Variants in MYOM3 observed in about 807,000 individuals in gnomAD.
MYOM3 encodes myomesin 3.
Under a neutral mutation model 191.7 loss-of-function variants are expected in MYOM3, and 155 were observed. The observed-to-expected ratio is 0.81, with a 90% CI of 0.71 to 0.92. The LOEUF is 0.92. Ranked by LOEUF, MYOM3 falls within the 40% of genes least tolerant of loss-of-function variation. The probability of loss-of-function intolerance (pLI) is 0.00; values close to 1 mark genes in which losing one functional copy is unlikely to be tolerated. For synonymous variants in MYOM3, 757 were observed against 762.9 expected, an observed-to-expected ratio of 0.99 and a Z score of 0.13; for missense variants, 1,889 against 1,890.6, an observed-to-expected ratio of 1.00 and a Z score of 0.02.
rs746278851 is a variant in MYOM3, at chr1:24,090,068, C to A, written c.1483G>T (p.Glu495Ter). 14 of 1,613,962 alleles carry A rather than the reference C, an allele frequency of 8.7e-6. No homozygotes were observed. In the East Asian group the frequency reaches 3.1e-4, roughly 36 times the overall value. Reference protein sequence around the residue: ...NKITISTDAFEDTVTIPSPPT... With the variant: ...NKITISTDAF ...TGTGTGGGAGGATCCCGCGTACCTT[C>A]AAAAGCGTCTGTGCTGATGGTGATC... Residue 495 changes from glutamate (E) to a stop codon, truncating the protein, a stop_gained, in exon 13 of 37, where the codon GAA becomes TAA. Coordinates refer to ENST00000374434, the MANE Select transcript of MYOM3 (RefSeq NM_152372.4). LOFTEE classifies it high-confidence loss of function.
chr1:24,061,024 C>A, intron 35 of MYOM3, 36 bp downstream of exon 35: 1 of 1,613,764 alleles, frequency 6.2e-7, no homozygotes, highest in South Asian at 1.1e-5. Flanking sequence ...GCCCCAAATT[C>A]AGAAACAAAA....
chr1:24,110,191 G>C (rs1193193235), intron 1 of MYOM3, among the ~76,000 whole-genome samples: 2 of 152,210 alleles, frequency 1.3e-5, no homozygotes, highest in Non-Finnish European at 2.9e-5. Flanking sequence ...CTGGTCTGCA[G>C]GCTTCTGGCA....
At chr1:24,088,933 T>C (rs933529700) in intron 14 of MYOM3, among the ~76,000 whole-genome samples, 1 of 152,094 alleles carries the variant, frequency 6.6e-6, no homozygotes, top group Non-Finnish European at 1.5e-5. Context: ...GGACACTCAC[T>C]CAGGATCACA....
At chr1:24,066,736 G>C (rs576866298) in intron 28 of MYOM3, 1 of 449,914 alleles carries the variant, frequency 2.2e-6, no homozygotes, top group Non-Finnish European at 3.9e-6. Context: ...ATAAACCCTC[G>C]TGGGCTCCTA....
intron 26 of MYOM3, 94 bp from the exon 27 acceptor site, chr1:24,068,123 C>A (rs1643476026): frequency 6.4e-7 from 1 of 1,568,544 alleles, no homozygotes; most frequent in Non-Finnish European, 8.8e-7. Context: ...GGGCTGTGCT[C>A]AGCAGGCTGC....
chr1:24,093,371 T>C (rs1182120269), intron 9 of MYOM3, among the ~76,000 whole-genome samples: 2 of 151,828 alleles, frequency 1.3e-5, no homozygotes, highest in East Asian at 3.9e-4. Context: ...TTTAGGGACA[T>C]AGCCAGTGAC....
rs1395407989 is a variant in MYOM3 at position 24,112,012 on chromosome 1, A to G, written c.-19+19T>C. 6.6e-6 allele frequency: 1 copy of G among 152,060 alleles called. No individual in the cohort carries two copies. The highest frequency in any genetic ancestry group is 1.5e-5 in the Non-Finnish European group (1 of 68,030). 9.4% of individuals were successfully genotyped at this position (152,060 alleles called of 1,614,324 possible). ...TAGGAGGCATCCCTCCCCCACCCTGATTTCTGGGGGTGACTCACAGAAGCA... is the reference window on the plus strand; with the variant it reads ...TAGGAGGCATCCCTCCCCCACCCTGGTTTCTGGGGGTGACTCACAGAAGCA... On this transcript the variant is annotated intron_variant, in intron 1 of 36. Transcript: ENST00000374434.
At chr1:24,085,268 GGATGGATGGATA>G (rs1198684726) in intron 15 of MYOM3, among the ~76,000 whole-genome samples, 3 of 139,554 alleles carry the variant, frequency 2.1e-5, no homozygotes, top group Admixed American at 7.4e-5. Flanking sequence ...ATGGATGCAT[GGATGGATGGATA>G]GATGGATGGA....
In MYOM3 at chr1:24,063,456, G is replaced by A. The variant is rs1643396843; in HGVS notation, c.3661+36C>T. ...TGCTTGGAGGCTGTTGGGCATCAGG[G>A]CAGGGCAGGGCTGGGCAAAGAGGCA... is the stretch of plus-strand genomic sequence containing the variant. On this transcript the variant is annotated intron_variant, in intron 31 of 36. Transcript: ENST00000374434. This position sits in a 1 kb window ranked among gnomAD's most constrained non-coding sequence, Gnocchi z 4.5. 5 of 1,612,884 alleles carry A rather than the reference G, an allele frequency of 3.1e-6. No individual in the cohort carries two copies. Among genetic ancestry groups the A allele is most frequent in the Non-Finnish European group, 4.2e-6 (5 of 1,178,942 alleles).
chr1:24,102,526 C>T (rs1349075866), intron 5 of MYOM3, among the ~76,000 whole-genome samples: 1 of 152,032 alleles, frequency 6.6e-6, no homozygotes. Context: ...GAGACTCCAT[C>T]TTAAAAAGAA....
At chr1:24,075,057 G>A (rs1570863310) in intron 22 of MYOM3, among the ~76,000 whole-genome samples, 1 of 150,190 alleles carries the variant, frequency 6.7e-6, no homozygotes, top group South Asian at 2.1e-4. Context: ...CGGGGCAATA[G>A]AGCAAGACCC....
chr1:24,105,075 C>T (rs1643970799), intron 5 of MYOM3, among the ~76,000 whole-genome samples: 1 of 152,132 alleles, frequency 6.6e-6, no homozygotes, highest in South Asian at 2.1e-4. Flanking sequence ...GAGACCCCTG[C>T]CCCTGCCCCT....
rs545471092 is a variant in MYOM3 at position 24,057,555 on chromosome 1, C to T, written c.4123G>A (p.Val1375Ile). Residue 1375 changes from valine to isoleucine, a missense_variant, in exon 37 of 37, where the codon GTC becomes ATC. By Grantham distance (29) the Val-to-Ile change is conservative. Coordinates refer to ENST00000374434, the MANE Select transcript of MYOM3 (RefSeq NM_152372.4). ...ATGCGGTATCGGTCAAGGAAGGTGA[C>T]AGGCTGGTCATTCTTCAGCCAAGAG... ...EISWLKNDQP[V>I]TFLDRYRMEV... 1.5e-5 allele frequency: 25 copies of T among 1,614,132 alleles called. No individual in the cohort carries two copies. In the East Asian group the frequency reaches 5.3e-4, roughly 35 times the overall value.
intron 17 of MYOM3, 184 bp from the exon 18 acceptor site, chr1:24,082,372 G>C: frequency 1.2e-6 from 1 of 851,892 alleles, no homozygotes; most frequent in East Asian, 2.8e-5. Flanking sequence ...GGGTCTGAGG[G>C]CTTCCCCACC....
At chr1:24,080,506 T>C (rs1245011917) in intron 19 of MYOM3, among the ~76,000 whole-genome samples, 1 of 152,204 alleles carries the variant, frequency 6.6e-6, no homozygotes, top group African/African-American at 2.4e-5. Flanking sequence ...CAGTGTTTAG[T>C]GACTCTAGTG....
chr1:24,102,537 A>G (rs778210360), intron 5 of MYOM3, among the ~76,000 whole-genome samples: 4 of 152,188 alleles, frequency 2.6e-5, no homozygotes, highest in African/African-American at 7.2e-5. Flanking sequence ...TTAAAAAGAA[A>G]AAAAGATTGC....
chr1:24,081,858 T>C, intron 18 of MYOM3, 143 bp downstream of exon 18: 1 of 811,354 alleles, frequency 1.2e-6, no homozygotes, highest in Non-Finnish European at 1.9e-6. Context: ...AAGGTGGGTC[T>C]GCACTGGAAA....
chr1:24,064,250 C>A, intron 29 of MYOM3, 91 bp from the exon 30 acceptor site: 1 of 919,482 alleles, frequency 1.1e-6, no homozygotes, highest in South Asian at 1.5e-5. Flanking sequence ...CCAGGCCTGC[C>A]CCTCACTCTC....
chr1:24,066,541 A>G, intron 28 of MYOM3: 1 of 429,338 alleles, frequency 2.3e-6, no homozygotes, highest in Non-Finnish European at 4.2e-6. Context: ...TTGGAATCAG[A>G]TAGACTTGTT....
Sources: gnomAD v4.1 joint callset for allele counts (sites outside exome capture counted in the v4.1 genomes callset) on GRCh38, gnomAD v4.1.1 for gene constraint, Gnocchi (gnomAD v3.1) non-coding constraint, MANE v1.5 for transcripts, NCBI Gene and HGNC (gene_info 2026-07-23, HGNC 2026-07-21) for gene names.